The following PHACTR2 variants were observed in gnomAD, a reference collection of about 807,000 sequenced individuals.
PHACTR2 encodes the protein chromosome 6 open reading frame 56.
Under a neutral mutation model 76.0 loss-of-function variants are expected in PHACTR2, and 30 were observed. That is an observed-to-expected ratio of 0.39 (90% CI 0.30 to 0.54). PHACTR2 has a LOEUF of 0.54. Ranked by LOEUF, PHACTR2 falls within the 20% of genes least tolerant of loss-of-function variation. The pLI is 0.61. For missense variants in PHACTR2, 696 were observed against 781.1 expected (o/e 0.89, Z 1.30); for synonymous variants, 292 against 292.5 (o/e 1.00, Z 0.02).
chr6:143,634,148 G>A (rs1776411068), intron 1 of PHACTR2, among the ~76,000 whole-genome samples: 2 of 152,158 alleles, frequency 1.3e-5, no homozygotes, highest in African/African-American at 4.8e-5. Flanking sequence ...TTTGCAGTGT[G>A]ATAACTTTCA....
rs1202467996 is a variant in PHACTR2, at chr6:143,671,847, C to T, written c.14-40169C>T. 6.6e-6 allele frequency among the ~76,000 whole-genome samples: 1 copy of T among 152,004 alleles called. No individual in the cohort carries two copies. Among genetic ancestry groups the T allele is most frequent in the Non-Finnish European group, 1.5e-5 (1 of 67,998 alleles). ...TCCCAAATGCCCATTAACTGGTAAA[C>T]AGATAAACAAACTTTTGTATAGCCA... On this transcript the variant is annotated intron_variant, in intron 1 of 11. Transcript: ENST00000305766. This position sits in a 1 kb window ranked among gnomAD's most constrained non-coding sequence, Gnocchi z 4.6.
chr6:143,663,365 A>G lies in PHACTR2; in HGVS notation c.14-48651A>G, dbSNP rs560954745. ...CCCGTGGATGAATGAAGTACTGAAT[A>G]TCCCAAAGCATTGAATCACTTCTCT... is the stretch of plus-strand genomic sequence containing the variant. On this transcript the variant is annotated intron_variant, in intron 1 of 11. Transcript: ENST00000305766. This position sits in a 1 kb window ranked among gnomAD's most constrained non-coding sequence, Gnocchi z 4.1. Among the ~76,000 whole-genome samples, 5 of 152,340 alleles carry G rather than the reference A, an allele frequency of 3.3e-5. 1 individual carries two copies. In the South Asian group the frequency reaches 1.0e-3, roughly 32 times the overall value.
At chr6:143,673,050 CTGT>C (rs1211266130), upstream of PHACTR2, among the ~76,000 whole-genome samples, 1 of 152,156 alleles carries the variant, frequency 6.6e-6, no homozygotes, top group African/African-American at 2.4e-5. Context: ...TCTTCCTCCA[CTGT>C]TAGGATCATG....
intron 6 of PHACTR2, among the ~76,000 whole-genome samples, chr6:143,769,939 G>A (rs564305538): frequency 6.6e-6 from 1 of 152,230 alleles, no homozygotes; most frequent in South Asian, 2.1e-4. Context: ...GTGGAAAACA[G>A]TATGGTGGTT....
rs1413035757 is a variant in PHACTR2 at position 143,548,322 on chromosome 6, G to A, written c.217+11115G>A. Reference sequence around the variant, plus strand: ...ACCTCATAATACCATCATGTTAGGGGATAGGGTTCTAATGTTTGGATTTTG... The same window carrying A: ...ACCTCATAATACCATCATGTTAGGGAATAGGGTTCTAATGTTTGGATTTTG... On this transcript the variant is annotated intron_variant, in intron 1 of 11. Coordinates refer to the PHACTR2 transcript ENST00000367584. The surrounding 1 kb of genome is among the most constrained non-coding windows in gnomAD (Gnocchi z 4.5). Among the ~76,000 whole-genome samples, 1 of 149,982 alleles carries A rather than the reference G, an allele frequency of 6.7e-6. No homozygotes were observed. The highest frequency in any genetic ancestry group is 1.9e-4 in the East Asian group (1 of 5,192).
At chr6:143,740,987 G>A (rs1216154081) in intron 2 of PHACTR2, among the ~76,000 whole-genome samples, 5 of 152,228 alleles carry the variant, frequency 3.3e-5, no homozygotes, top group African/African-American at 4.8e-5. Context: ...AGTGGCTCAC[G>A]CCTGTCATCC....
At position 143,571,218 on chromosome 6, in the gene PHACTR2, T is replaced by C. The variant is rs1775443509; in HGVS notation, c.217+34011T>C. Among the ~76,000 whole-genome samples the C allele has an allele frequency of 6.6e-6, 1 of 152,222 alleles. No individual in the cohort carries two copies. The highest frequency in any genetic ancestry group is 1.5e-5 in the Non-Finnish European group (1 of 68,036). ...CCAATTATCCCACTAACAATTATCATTGTTAGTAACAATTATCATTGCGGT... is the reference window on the plus strand; with the variant it reads ...CCAATTATCCCACTAACAATTATCACTGTTAGTAACAATTATCATTGCGGT... On this transcript the variant is annotated intron_variant, in intron 1 of 11. Coordinates refer to the PHACTR2 transcript ENST00000367584. This position sits in a 1 kb window ranked among gnomAD's most constrained non-coding sequence, Gnocchi z 4.6.
Position 143,652,077 on chromosome 6 carries a change from A to C in PHACTR2, c.13+43755A>C, listed in dbSNP as rs1776772621. ...TTCTGTTGTTTAAGCAAAAAAAAAAAAAAAGGCCGGTAAACACTGGTGATT... is the reference window on the plus strand; with the variant it reads ...TTCTGTTGTTTAAGCAAAAAAAAAACAAAAGGCCGGTAAACACTGGTGATT... On this transcript the variant is annotated intron_variant, in intron 1 of 11. Coordinates refer to the PHACTR2 transcript ENST00000305766. This position sits in a 1 kb window ranked among gnomAD's most constrained non-coding sequence, Gnocchi z 4.5. Among the ~76,000 whole-genome samples the C allele has an allele frequency of 6.6e-6, 1 of 151,574 alleles. No individual in the cohort carries two copies. The highest frequency in any genetic ancestry group is 1.9e-4 in the East Asian group (1 of 5,188).
chr6:143,736,865 C>T lies in PHACTR2; in HGVS notation c.215-12120C>T, dbSNP rs115409257. 3.0e-3 allele frequency among the ~76,000 whole-genome samples: 458 copies of T among 151,730 alleles called. 7 individuals carry two copies. The highest frequency in any genetic ancestry group is 9.7e-3 in the African/African-American group (402 of 41,368). On this transcript the variant is annotated intron_variant, in intron 2 of 12. Coordinates refer to ENST00000440869, the MANE Select transcript of PHACTR2 (RefSeq NM_001100164.2). ...CTGGGATTACTGGCGTGAGCCAACA[C>T]GTCCGGCCTACAAGATATTTTAATC...
chr6:143,691,072 T>A (rs912866461), intron 1 of PHACTR2, among the ~76,000 whole-genome samples: 2 of 152,160 alleles, frequency 1.3e-5, no homozygotes, highest in African/African-American at 2.4e-5. Flanking sequence ...AAAATCAAAG[T>A]CTTTTGGAGA....
At position 143,780,615 on chromosome 6, in the gene PHACTR2, C is replaced by T. The variant is rs1775405900; in HGVS notation, c.1646-2604C>T. The stretch of plus-strand genomic sequence containing the variant: ...TTTATACTTTTCTTTCTTCTTTTAG[C>T]TCATCCACAAAATTCTCTGGGTAAC... On this transcript the variant is annotated intron_variant, in intron 9 of 12. Transcript: ENST00000440869. This position sits in a 1 kb window ranked among gnomAD's most constrained non-coding sequence, Gnocchi z 4.4. Among the ~76,000 whole-genome samples, 1 of 152,202 alleles carries T rather than the reference C, an allele frequency of 6.6e-6. No individual in the cohort carries two copies. Among genetic ancestry groups the T allele is most frequent in the Non-Finnish European group, 1.5e-5 (1 of 68,024 alleles).
intron 2 of PHACTR2, 102 bp from the exon 3 acceptor site, chr6:143,748,883 C>T: frequency 1.6e-6 from 1 of 614,978 alleles, no homozygotes; most frequent in South Asian, 2.1e-5. Flanking sequence ...AGTTTGAGCC[C>T]TCATGTGAGG....
intron 1 of PHACTR2, among the ~76,000 whole-genome samples, chr6:143,651,521 T>C (rs1345126097): frequency 6.6e-6 from 1 of 152,068 alleles, no homozygotes; most frequent in Non-Finnish European, 1.5e-5. Flanking sequence ...TAAAAAGGAA[T>C]GAGATAAAGT....
chr6:143,577,611 T>C (rs371768945), intron 1 of PHACTR2, among the ~76,000 whole-genome samples: 2 of 152,110 alleles, frequency 1.3e-5, no homozygotes, highest in Non-Finnish European at 2.9e-5. Flanking sequence ...TGAGACCAAA[T>C]TGATATATCG....
chr6:143,711,341 G>T (rs1778173310), intron 1 of PHACTR2, among the ~76,000 whole-genome samples: 1 of 152,130 alleles, frequency 6.6e-6, no homozygotes, highest in Non-Finnish European at 1.5e-5. Context: ...TGTCAGCCTA[G>T]AACACAGTGC....
At chr6:143,640,585 C>A (rs1776547612) in intron 1 of PHACTR2, among the ~76,000 whole-genome samples, 1 of 152,178 alleles carries the variant, frequency 6.6e-6, no homozygotes, top group African/African-American at 2.4e-5. Flanking sequence ...GTTTTGTATT[C>A]CTCTTGATTG....
intron 5 of PHACTR2, among the ~76,000 whole-genome samples, chr6:143,763,937 G>A (rs1315685191): frequency 6.6e-6 from 1 of 152,172 alleles, no homozygotes; most frequent in Non-Finnish European, 1.5e-5. Context: ...TATAACAGAA[G>A]AAGCCATTAG....
intron 10 of PHACTR2, among the ~76,000 whole-genome samples, chr6:143,785,228 G>A (rs1416569956): frequency 1.3e-5 from 2 of 152,164 alleles, no homozygotes; most frequent in African/African-American, 2.4e-5. Flanking sequence ...ACAGCTAGCT[G>A]TTCCAAATGG....
At chr6:143,586,219 G>A (rs1011292364) in intron 1 of PHACTR2, among the ~76,000 whole-genome samples, 1 of 152,168 alleles carries the variant, frequency 6.6e-6, no homozygotes, top group Non-Finnish European at 1.5e-5. Flanking sequence ...AAGAGAGAGA[G>A]AAGGAGAGAG....
Sources: gnomAD v4.1 joint callset for allele counts (sites outside exome capture counted in the v4.1 genomes callset) on GRCh38, gnomAD v4.1.1 for gene constraint, Gnocchi (gnomAD v3.1) non-coding constraint, MANE v1.5 for transcripts, NCBI Gene and HGNC (gene_info 2026-07-23, HGNC 2026-07-21) for gene names.